PRKG1: variants seen among roughly 807,000 people sequenced by gnomAD.
The protein encoded by PRKG1 is cGMP-dependent protein kinase 1.
In PRKG1, 35 loss-of-function variants were observed where a neutral mutation model predicts 88.1. The observed-to-expected ratio is 0.40, with a 90% CI of 0.30 to 0.53. PRKG1 has a LOEUF of 0.53. Among genes scored for constraint, PRKG1 ranks in the 20% least tolerant of loss-of-function variants. PRKG1 has a pLI of 0.59. For missense variants in PRKG1, 540 were observed against 839.8 expected (o/e 0.64, Z 4.41); for synonymous variants, 303 against 292.5 (o/e 1.04, Z -0.37).
chr10:51,401,936 G>A (rs1305249004), intron 2 of PRKG1, among the ~76,000 whole-genome samples: 7 of 152,066 alleles, frequency 4.6e-5, no homozygotes, highest in Non-Finnish European at 1.0e-4. Context: ...TGAGTTTTGT[G>A]CAGTGTTTCC....
chr10:51,310,084 G>A (rs1052529975), intron 2 of PRKG1, among the ~76,000 whole-genome samples: 3 of 152,132 alleles, frequency 2.0e-5, no homozygotes, highest in African/African-American at 7.2e-5. Flanking sequence ...AGGCATTGGA[G>A]ACTAAAAGGT....
In PRKG1 at chr10:50,991,462, G is replaced by C; in HGVS notation, c.84G>C (p.Glu28Asp). ...AAGAGCTGGAGAAGCGGCTGTCAGA[G>C]AAGGAGGAAGAAATTCAGGAGCTGA... Residue 28 changes from glutamate to aspartate, a missense_variant, in exon 1 of 18, where the codon GAG (glutamate) becomes GAC (aspartate). By Grantham distance (45) the Glu-to-Asp change is conservative. Transcript: ENST00000401604. This position sits in a 1 kb window ranked among gnomAD's most constrained non-coding sequence, Gnocchi z 4.5. The C allele has an allele frequency of 6.2e-7, 1 of 1,607,482 alleles. No individual in the cohort carries two copies. The highest frequency in any genetic ancestry group is 2.2e-5 in the East Asian group (1 of 44,534).
intron 2 of PRKG1, among the ~76,000 whole-genome samples, chr10:51,184,209 T>G (rs936555580): frequency 2.0e-5 from 3 of 152,350 alleles, no homozygotes; most frequent in African/African-American, 7.2e-5. Context: ...ATTCTCTCCC[T>G]TATTATATTC....
chr10:51,308,774 T>C (rs1177430629), intron 2 of PRKG1, among the ~76,000 whole-genome samples: 2 of 151,928 alleles, frequency 1.3e-5, no homozygotes, highest in Non-Finnish European at 2.9e-5. Flanking sequence ...TAGGGTAAAT[T>C]AAAGGGAAAA....
At position 52,268,439 on chromosome 10, in the gene PRKG1, A is replaced by C. The variant is rs1339240682; in HGVS notation, c.1174-2911A>C. On this transcript the variant is annotated intron_variant, in intron 10 of 17. Transcript: ENST00000373980. ...AGTATTCAAGCAATCGGGTATCTCA[A>C]ACCCCTAACACATGGAGGTCCCTGG... 5.3e-5 allele frequency among the ~76,000 whole-genome samples: 8 copies of C among 151,950 alleles called. No homozygotes were observed. The East Asian group carries it at 1.6e-3, about 30-fold the overall frequency.
chr10:51,227,001 C>T (rs1838710195), intron 2 of PRKG1, among the ~76,000 whole-genome samples: 1 of 151,920 alleles, frequency 6.6e-6, no homozygotes, highest in African/African-American at 2.4e-5. Flanking sequence ...GCATCAGATT[C>T]CACAGCGCTT....
At chr10:51,914,415 G>GA (rs1426436262) in intron 5 of PRKG1, among the ~76,000 whole-genome samples, 3 of 152,054 alleles carry the variant, frequency 2.0e-5, no homozygotes, top group Non-Finnish European at 4.4e-5. Flanking sequence ...ATACCTTGAG[G>GA]AAAACCGAAC....
intron 7 of PRKG1, among the ~76,000 whole-genome samples, chr10:52,096,266 T>G (rs1441900353): frequency 3.9e-5 from 6 of 152,188 alleles, no homozygotes; most frequent in African/African-American, 1.4e-4. Flanking sequence ...AAACCAAAAT[T>G]TAAACATCTA....
intron 2 of PRKG1, among the ~76,000 whole-genome samples, chr10:51,399,605 A>C (rs1837678080): frequency 6.6e-6 from 1 of 152,186 alleles, no homozygotes; most frequent in Non-Finnish European, 1.5e-5. Flanking sequence ...AAGAAAAATA[A>C]AATCAAAACC....
intron 4 of PRKG1, among the ~76,000 whole-genome samples, chr10:51,873,457 CCTGT>C (rs925708434): frequency 1.3e-5 from 2 of 151,762 alleles, no homozygotes; most frequent in African/African-American, 4.8e-5. Context: ...TATTTATCCA[CCTGT>C]CTATCTAATC....
intron 4 of PRKG1, among the ~76,000 whole-genome samples, chr10:51,899,945 C>A (rs1208719607): frequency 6.6e-6 from 1 of 151,902 alleles, no homozygotes; most frequent in Non-Finnish European, 1.5e-5. Flanking sequence ...AAGAGCCTGG[C>A]ACCTCTCTTA....
At position 51,749,067 on chromosome 10, in the gene PRKG1, G is replaced by C. The variant is rs77112047; in HGVS notation, c.593-55518G>C. Among the ~76,000 whole-genome samples the C allele has an allele frequency of 7.2e-3, 1,095 of 152,290 alleles. 15 individuals are homozygous for C. Among genetic ancestry groups the C allele is most frequent in the Middle Eastern group, 0.02 (6 of 294 alleles). Reference sequence around the variant, plus strand: ...TTAATGAACTTGCATAGAAGTGCCTGCTTTCCATTAGTTGGGAAATGAGAC... The same window carrying C: ...TTAATGAACTTGCATAGAAGTGCCTCCTTTCCATTAGTTGGGAAATGAGAC... On this transcript the variant is annotated intron_variant, in intron 3 of 17. Coordinates refer to ENST00000373980, the MANE Select transcript of PRKG1 (RefSeq NM_006258.4).
intron 5 of PRKG1, among the ~76,000 whole-genome samples, chr10:51,952,604 A>T (rs373492042): frequency 2.6e-5 from 4 of 152,204 alleles, no homozygotes; most frequent in African/African-American, 4.8e-5. Flanking sequence ...AATAAATATT[A>T]AGTGTCATTG....
intron 1 of PRKG1, among the ~76,000 whole-genome samples, chr10:51,136,763 C>A (rs1440784300): frequency 3.3e-5 from 5 of 152,038 alleles, no homozygotes; most frequent in Admixed American, 6.6e-5. Context: ...GTGTGCCATT[C>A]TTTTGAAGTT....
intron 2 of PRKG1, among the ~76,000 whole-genome samples, chr10:51,461,255 A>T (rs1473914945): frequency 6.6e-6 from 1 of 152,102 alleles, no homozygotes; most frequent in East Asian, 1.9e-4. Context: ...TCCATCTCAC[A>T]TTGTTTCATT....
chr10:52,071,425 T>G (rs1246942165), intron 7 of PRKG1, among the ~76,000 whole-genome samples: 2 of 152,202 alleles, frequency 1.3e-5, no homozygotes, highest in Non-Finnish European at 2.9e-5. Context: ...ATTAACTGGT[T>G]TAGGATAATG....
At chr10:51,166,238 A>T (rs1022253472) in intron 2 of PRKG1, among the ~76,000 whole-genome samples, 38 of 152,070 alleles carry the variant, frequency 2.5e-4, no homozygotes, top group Non-Finnish European at 8.8e-5. Flanking sequence ...GATTTGTAAT[A>T]ACTTGCTCCG....
At chr10:52,052,245 C>T (rs1195292750) in intron 5 of PRKG1, among the ~76,000 whole-genome samples, 1 of 151,780 alleles carries the variant, frequency 6.6e-6, no homozygotes, top group East Asian at 1.9e-4. Context: ...TTTGTGTTAT[C>T]AATGCCTATA....
At chr10:51,514,814 C>A (rs549137243) in intron 3 of PRKG1, among the ~76,000 whole-genome samples, 1 of 152,178 alleles carries the variant, frequency 6.6e-6, no homozygotes, top group African/African-American at 2.4e-5. Context: ...CTGACTCAAA[C>A]TTTTATTGCT....
Sources: allele counts gnomAD v4.1 joint callset (sites outside exome capture counted in the v4.1 genomes callset), GRCh38; gene constraint gnomAD v4.1.1; non-coding constraint Gnocchi (gnomAD v3.1); transcripts MANE v1.5; gene names NCBI Gene and HGNC (gene_info 2026-07-23, HGNC 2026-07-21).